LRRTM4: variants seen among roughly 807,000 people sequenced by gnomAD.
LRRTM4 encodes leucine rich repeat transmembrane neuronal 4.
In LRRTM4, 25 loss-of-function variants were observed where a neutral mutation model predicts 47.6. The ratio of observed to expected loss-of-function variants is 0.53; its 90% CI spans 0.38 to 0.73. The LOEUF (loss-of-function observed/expected upper bound fraction) is 0.73. LRRTM4 is among the 30% of genes least tolerant of loss of function. The pLI, the probability that LRRTM4 is intolerant of heterozygous loss-of-function variation, is 0.00. For missense variants in LRRTM4, 638 were observed against 713.4 expected (o/e 0.89, Z 1.20); for synonymous variants, 311 against 269.5 (o/e 1.15, Z -1.51).
intron 3 of LRRTM4, among the ~76,000 whole-genome samples, chr2:77,060,770 CT>C (rs983678246): frequency 6.6e-6 from 1 of 151,636 alleles, no homozygotes; most frequent in Non-Finnish European, 1.5e-5. Context: ...ACCTATGTCT[CT>C]TTTTTTTCAA....
intron 3 of LRRTM4, among the ~76,000 whole-genome samples, chr2:76,970,415 G>C (rs889438166): frequency 6.6e-6 from 1 of 151,758 alleles, no homozygotes; most frequent in Non-Finnish European, 1.5e-5. Context: ...ACCTCCTTTT[G>C]GTTTCTTTCC....
intron 3 of LRRTM4, among the ~76,000 whole-genome samples, chr2:77,383,153 T>C (rs946468109): frequency 2.6e-5 from 4 of 152,080 alleles, no homozygotes; most frequent in Non-Finnish European, 5.9e-5. Flanking sequence ...AGAAAAATGG[T>C]TGAGTAAACT....
At chr2:77,053,027 A>G (rs1488343294) in intron 3 of LRRTM4, among the ~76,000 whole-genome samples, 2 of 152,308 alleles carry the variant, frequency 1.3e-5, no homozygotes, top group South Asian at 4.1e-4. Context: ...TTTTACTAAC[A>G]TAGTTCGGGT....
intron 3 of LRRTM4, among the ~76,000 whole-genome samples, chr2:77,382,574 T>C (rs1003354972): frequency 6.6e-6 from 1 of 152,102 alleles, no homozygotes; most frequent in Admixed American, 6.6e-5. Flanking sequence ...CCACAAGTCT[T>C]GGCAAAGTTA....
At chr2:77,314,837 C>T (rs1558684328) in intron 3 of LRRTM4, among the ~76,000 whole-genome samples, 1 of 152,166 alleles carries the variant, frequency 6.6e-6, no homozygotes, top group African/African-American at 2.4e-5. Flanking sequence ...TAGCAATATG[C>T]TCTACAATAC....
chr2:77,052,744 C>T (rs112378921), intron 3 of LRRTM4, among the ~76,000 whole-genome samples: 2,658 of 151,632 alleles, frequency 0.018, 80 homozygotes, highest in African/African-American at 0.061. Context: ...GTGCAAGTAT[C>T]CTCGTGAAAG....
chr2:77,185,299 G>A (rs912061572), intron 3 of LRRTM4, among the ~76,000 whole-genome samples: 16 of 152,184 alleles, frequency 1.1e-4, no homozygotes, highest in African/African-American at 2.2e-4. Context: ...GTCGTTCTTC[G>A]GATGAAATGT....
At chr2:77,034,278 CAG>C (rs1329354529) in intron 3 of LRRTM4, among the ~76,000 whole-genome samples, 2 of 151,856 alleles carry the variant, frequency 1.3e-5, no homozygotes, top group African/African-American at 2.4e-5. Flanking sequence ...AGCTGTGAAA[CAG>C]AATTTTGCCA....
chr2:77,382,234 T>C (rs528531603), intron 3 of LRRTM4, among the ~76,000 whole-genome samples: 46 of 152,204 alleles, frequency 3.0e-4, no homozygotes, highest in Middle Eastern at 3.4e-3. Flanking sequence ...ACCGTGTGCT[T>C]TGTTCTCTCA....
rs144161620 is a variant in LRRTM4, at chr2:77,069,264, G to A, written c.1552-320348C>T. Among the ~76,000 whole-genome samples the A allele has an allele frequency of 2.9e-3, 440 of 152,018 alleles. 7 individuals are homozygous for A. Among genetic ancestry groups the A allele is most frequent in the African/African-American group, 8.7e-3 (362 of 41,458 alleles). On this transcript the variant is annotated intron_variant, in intron 3 of 3. Transcript: ENST00000409884. Reference sequence around the variant, plus strand: ...ATCAGAGGTGTTTCTCATTTTGGCCGTTATGAATAACATATATATTATGAA... The same window carrying A: ...ATCAGAGGTGTTTCTCATTTTGGCCATTATGAATAACATATATATTATGAA...
In LRRTM4 at chr2:77,486,300, T is replaced by C. The variant is rs1677907667; in HGVS notation, c.1551+32018A>G. The stretch of plus-strand genomic sequence containing the variant: ...TAGAAAATAAATTTTAAAAATTGCA[T>C]ATGTTATCCTTTCCTTACTCAAAAA... On this transcript the variant is annotated intron_variant, in intron 3 of 3. Transcript: ENST00000409884. 1.3e-5 allele frequency among the ~76,000 whole-genome samples: 2 copies of C among 152,210 alleles called. 1 individual carries two copies. Among genetic ancestry groups the C allele is most frequent in the South Asian group, 4.1e-4 (2 of 4,836 alleles).
intron 3 of LRRTM4, among the ~76,000 whole-genome samples, chr2:76,999,880 G>C (rs888096959): frequency 4.6e-5 from 7 of 152,076 alleles, no homozygotes; most frequent in Non-Finnish European, 1.0e-4. Flanking sequence ...ATTTTTAGGT[G>C]GTTTTCATTC....
rs560200947 is a variant in LRRTM4 at position 76,922,272 on chromosome 2, G to A, written c.1552-173356C>T. On this transcript the variant is annotated intron_variant, in intron 3 of 3. Transcript: ENST00000409884. ...GTATAACTGACTCACAGTTCTTCAG[G>A]CTTAACAGGAAGCATTACTGAGAGT... Among the ~76,000 whole-genome samples, 81 of 152,126 alleles carry A rather than the reference G, an allele frequency of 5.3e-4. 1 individual carries two copies. In the Middle Eastern group the frequency reaches 0.024, roughly 45 times the overall value.
intron 3 of LRRTM4, among the ~76,000 whole-genome samples, chr2:77,139,003 T>G (rs1478330272): frequency 1.3e-5 from 2 of 151,924 alleles, no homozygotes; most frequent in Non-Finnish European, 2.9e-5. Context: ...CCAAAAAAAG[T>G]CCAGGGCCAG....
intron 3 of LRRTM4, among the ~76,000 whole-genome samples, chr2:77,505,414 C>G (rs995008547): frequency 1.3e-5 from 2 of 151,312 alleles, no homozygotes; most frequent in African/African-American, 4.8e-5. Flanking sequence ...AAAAATAGCA[C>G]AGAGTCCAGT....
intron 3 of LRRTM4, among the ~76,000 whole-genome samples, chr2:76,892,766 A>G (rs1673295038): frequency 6.6e-6 from 1 of 151,622 alleles, no homozygotes; most frequent in South Asian, 2.1e-4. Context: ...TCATCATGAC[A>G]CTCCAAAAGG....
intron 3 of LRRTM4, among the ~76,000 whole-genome samples, chr2:77,400,366 G>A (rs576376908): frequency 6.6e-6 from 1 of 151,904 alleles, no homozygotes; most frequent in Admixed American, 6.6e-5. Flanking sequence ...ACTCAGAACT[G>A]TCATTGATTT....
At chr2:77,477,828 G>C (rs1259616350) in intron 3 of LRRTM4, among the ~76,000 whole-genome samples, 1 of 118,944 alleles carries the variant, frequency 8.4e-6, no homozygotes, top group East Asian at 2.3e-4. Context: ...AACAAGGCTG[G>C]AGCAAAACTC....
At chr2:77,032,468 G>T (rs549177202) in intron 3 of LRRTM4, among the ~76,000 whole-genome samples, 1 of 151,962 alleles carries the variant, frequency 6.6e-6, no homozygotes, top group Non-Finnish European at 1.5e-5. Flanking sequence ...ACAATACCAA[G>T]TTAGTTTTGT....
Sources: allele counts gnomAD v4.1 joint callset (sites outside exome capture counted in the v4.1 genomes callset), GRCh38; gene constraint gnomAD v4.1.1; transcripts MANE v1.5; gene names NCBI Gene and HGNC (gene_info 2026-07-23, HGNC 2026-07-21).